The following BMPR2 variants were observed in gnomAD, a reference collection of about 807,000 sequenced individuals.
The protein encoded by BMPR2 is bone morphogenetic protein receptor type 2.
A neutral mutation model predicts 100.8 loss-of-function variants in BMPR2; 29 were observed. The observed-to-expected ratio is 0.29, with a 90% CI of 0.21 to 0.39. The LOEUF is 0.39. BMPR2 is among the 10% of genes least tolerant of loss of function. BMPR2 has a pLI of 1.00. For missense variants in BMPR2, 1,011 were observed against 1,274.5 expected, an observed-to-expected ratio of 0.79 and a Z score of 3.15; for synonymous variants, 382 against 442.3, an observed-to-expected ratio of 0.86 and a Z score of 1.71.
intron 3 of BMPR2, among the ~76,000 whole-genome samples, chr2:202,496,850 C>T (rs1693041115): frequency 6.6e-6 from 1 of 152,238 alleles, no homozygotes; most frequent in Non-Finnish European, 1.5e-5. Context: ...ACTGTGGGAG[C>T]CACTTTCTGG....
rs1574509405 is a variant in BMPR2 at position 202,559,715 on chromosome 2, T to C, written c.2886T>C (p.Asp962=). Residue 962 remains aspartate, a synonymous_variant, in exon 13 of 13, where the codon GAT becomes GAC. Transcript: ENST00000374580. ...TTTCAGTAGGTGAGTCAACACAAGA[T>C]GGCAAATCAGGATCAGGTGAAAAGA... ...SSIQIGESTQ[D]GKSGSGEKIK... 5.0e-6 allele frequency: 8 copies of C among 1,614,198 alleles called. No individual in the cohort carries two copies. The highest frequency in any genetic ancestry group is 6.8e-6 in the Non-Finnish European group (8 of 1,180,028).
chr2:202,418,795 A>G (rs1691194203), intron 1 of BMPR2, among the ~76,000 whole-genome samples: 1 of 152,214 alleles, frequency 6.6e-6, no homozygotes, highest in Non-Finnish European at 1.5e-5. Context: ...TTGTAAATGT[A>G]TCTTATCAGT....
At chr2:202,486,516 C>T (rs867687917) in intron 3 of BMPR2, among the ~76,000 whole-genome samples, 2 of 151,568 alleles carry the variant, frequency 1.3e-5, no homozygotes, top group Non-Finnish European at 1.5e-5. Flanking sequence ...CCTGTAGTCC[C>T]AGCTACTCAG....
At chr2:202,492,878 G>T (rs747413450) in intron 3 of BMPR2, among the ~76,000 whole-genome samples, 16 of 152,100 alleles carry the variant, frequency 1.1e-4, no homozygotes, top group Non-Finnish European at 2.2e-4. Context: ...AGAGAGCAAA[G>T]GTTACTATGA....
intron 1 of BMPR2, among the ~76,000 whole-genome samples, chr2:202,461,547 G>A (rs1574461107): frequency 6.6e-6 from 1 of 152,312 alleles, no homozygotes; most frequent in East Asian, 1.9e-4. Flanking sequence ...ACATCAATAA[G>A]CATGTGTAAT....
chr2:202,528,291 C>T (rs1235079651), intron 7 of BMPR2, among the ~76,000 whole-genome samples: 1 of 152,184 alleles, frequency 6.6e-6, no homozygotes, highest in Non-Finnish European at 1.5e-5. Flanking sequence ...GGCTTCATGC[C>T]ATTCTCCTGC....
intron 3 of BMPR2, among the ~76,000 whole-genome samples, chr2:202,471,858 A>G (rs1692444665): frequency 6.6e-6 from 1 of 152,120 alleles, no homozygotes. Context: ...ATAATCTAAG[A>G]AGTGTTTAAG....
chr2:202,381,431 T>A (rs1029516543), intron 1 of BMPR2, among the ~76,000 whole-genome samples: 1 of 152,144 alleles, frequency 6.6e-6, no homozygotes, highest in Non-Finnish European at 1.5e-5. Flanking sequence ...TGGGGGAGGC[T>A]TGTGTCATGG....
chr2:202,455,957 T>C (rs928138188), intron 1 of BMPR2, among the ~76,000 whole-genome samples: 6 of 146,886 alleles, frequency 4.1e-5, no homozygotes, highest in African/African-American at 1.5e-4. Context: ...CCCAGCTACT[T>C]GGGAGGCTGA....
At chr2:202,377,960 A>G (rs751376292) in intron 1 of BMPR2, among the ~76,000 whole-genome samples, 4 of 152,248 alleles carry the variant, frequency 2.6e-5, no homozygotes, top group Non-Finnish European at 4.4e-5. Flanking sequence ...GGCTTATAGT[A>G]AAAAGAACAT....
Position 202,435,378 on chromosome 2 carries a change from T to TATATATAC in BMPR2, c.77-29424_77-29423insCATATATA, listed in dbSNP as rs1553500541. ...GATCCTGTCTCAAAAAAAAAATACA[T>TATATATAC]ATATATATATATATATATATATATA... On this transcript the variant is annotated intron_variant, in intron 1 of 12. Transcript: ENST00000374580. 1.7e-4 allele frequency among the ~76,000 whole-genome samples: 8 copies of TATATATAC among 45,900 alleles called. 1 individual carries two copies. Among genetic ancestry groups the TATATATAC allele is most frequent in the Non-Finnish European group, 2.5e-4 (6 of 24,298 alleles). The allele number at this position is 45,900 out of a possible 152,430, so 30.1% of individuals were successfully genotyped here. A position where few individuals can be genotyped will look rare whatever the true frequency, so the allele number is the denominator to read the frequency against.
intron 9 of BMPR2, among the ~76,000 whole-genome samples, chr2:202,533,326 C>T (rs867371201): frequency 7.2e-5 from 11 of 151,954 alleles, no homozygotes; most frequent in Admixed American, 2.0e-4. Flanking sequence ...CCGAGGCTTG[C>T]GGATCACCTG....
At chr2:202,537,880 A>G (rs1057366924) in intron 9 of BMPR2, among the ~76,000 whole-genome samples, 3 of 147,946 alleles carry the variant, frequency 2.0e-5, no homozygotes, top group African/African-American at 7.4e-5. Flanking sequence ...GCACTTTAGG[A>G]GGCTGAGAGG....
intron 12 of BMPR2, among the ~76,000 whole-genome samples, chr2:202,557,600 G>C (rs1049084982): frequency 1.3e-5 from 2 of 152,108 alleles, no homozygotes; most frequent in Non-Finnish European, 2.9e-5. Context: ...CCAGGAGGCG[G>C]AGGTTGCAGT....
At chr2:202,400,832 GTTGT>G (rs1458809807) in intron 1 of BMPR2, among the ~76,000 whole-genome samples, 4 of 151,902 alleles carry the variant, frequency 2.6e-5, no homozygotes, top group African/African-American at 7.2e-5. Context: ...TTAGTATTTT[GTTGT>G]TTTATTCATG....
intron 3 of BMPR2, among the ~76,000 whole-genome samples, chr2:202,501,374 C>CA (rs1687387464): frequency 6.6e-6 from 1 of 152,236 alleles, no homozygotes; most frequent in Non-Finnish European, 1.5e-5. Flanking sequence ...GGCAAATACT[C>CA]ATCTAGTCGA....
At chr2:202,384,001 A>G (rs932309113) in intron 1 of BMPR2, among the ~76,000 whole-genome samples, 1 of 151,784 alleles carries the variant, frequency 6.6e-6, no homozygotes, top group Admixed American at 6.6e-5. Context: ...GTGAAACCCC[A>G]TCTCTACTAA....
chr2:202,442,390 A>T (rs1389941288), intron 1 of BMPR2, among the ~76,000 whole-genome samples: 1 of 150,478 alleles, frequency 6.6e-6, no homozygotes, highest in Non-Finnish European at 1.5e-5. Context: ...GATTAACTTC[A>T]TGGTTCATCC....
chr2:202,451,994 T>A (rs1258290806), intron 1 of BMPR2, among the ~76,000 whole-genome samples: 1 of 152,110 alleles, frequency 6.6e-6, no homozygotes, highest in African/African-American at 2.4e-5. Flanking sequence ...CCTTAGGTGA[T>A]CCGCCTGCCT....
Sources: allele counts gnomAD v4.1 joint callset (sites outside exome capture counted in the v4.1 genomes callset), GRCh38; gene constraint gnomAD v4.1.1; transcripts MANE v1.5; gene names NCBI Gene and HGNC (gene_info 2026-07-23, HGNC 2026-07-21).